WSB2: variants seen among roughly 807,000 people sequenced by gnomAD.
WSB2 encodes the protein WD repeat and SOCS box-containing protein 2.
A neutral mutation model predicts 48.8 loss-of-function variants in WSB2; 12 were observed. The ratio of observed to expected loss-of-function variants is 0.25; its 90% CI spans 0.16 to 0.40. The LOEUF is 0.40. Among genes scored for constraint, WSB2 ranks in the 10% least tolerant of loss-of-function variants. The pLI, the probability that WSB2 is intolerant of heterozygous loss-of-function variation, is 1.00. For missense variants in WSB2, 317 were observed against 506.2 expected (o/e 0.63, Z 3.59); for synonymous variants, 191 against 203.1 (o/e 0.94, Z 0.51).
At chr12:118,057,110 C>T (rs2031970861) in intron 1 of WSB2, among the ~76,000 whole-genome samples, 2 of 152,078 alleles carry the variant, frequency 1.3e-5, no homozygotes, top group South Asian at 4.2e-4. Flanking sequence ...GGAGTCTGGG[C>T]CCAAACTAAA....
At chr12:118,035,350 A>G (rs1231859126) in intron 6 of WSB2, 26 bp from the exon 7 acceptor site, 1 of 1,604,926 alleles carries the variant, frequency 6.2e-7, no homozygotes, top group Non-Finnish European at 8.5e-7. Context: ...ACAGGATGGC[A>G]GGCCTGGAGT....
At chr12:118,035,133 AG>A in intron 7 of WSB2, 40 bp from the exon 8 acceptor site, 1 of 1,613,086 alleles carries the variant, frequency 6.2e-7, no homozygotes, top group African/African-American at 1.3e-5. Context: ...TAGCTGACCC[AG>A]GGCCAGACCA....
At chr12:118,037,262 C>A (rs184670959) in intron 5 of WSB2, among the ~76,000 whole-genome samples, 2 of 152,364 alleles carry the variant, frequency 1.3e-5, no homozygotes, top group Non-Finnish European at 2.9e-5. Context: ...TTACACCCCC[C>A]ACCTTGTGTA....
In WSB2 at chr12:118,043,281, A is replaced by G. The variant is rs1386465575; in HGVS notation, c.279T>C (p.Ile93=). The G allele has an allele frequency of 6.2e-7, 1 of 1,614,172 alleles. No homozygotes were observed. Among genetic ancestry groups the G allele is most frequent in the African/African-American group, 1.3e-5 (1 of 75,068 alleles). The change falls in exon 3 of 9, where the codon ATT becomes ATC. Residue 93 remains isoleucine, a synonymous_variant. Coordinates refer to ENST00000315436, the MANE Select transcript of WSB2 (RefSeq NM_018639.5). ...PKEKTLDCGQ[I]VWGLAFSPWP... ...ACGGGCTGAAGGCCAGCCCCCAGACAATCTGACCACAGTCCAGCGTCTTCT... is the reference window on the plus strand; with the variant it reads ...ACGGGCTGAAGGCCAGCCCCCAGACGATCTGACCACAGTCCAGCGTCTTCT...
At chr12:118,042,302 G>A (rs555779643) in intron 4 of WSB2, among the ~76,000 whole-genome samples, 34 of 152,178 alleles carry the variant, frequency 2.2e-4, no homozygotes, top group Non-Finnish European at 4.7e-4. Flanking sequence ...CACAGGACAT[G>A]GGGACTTTTT....
chr12:118,052,173 G>A, intron 2 of WSB2, 137 bp downstream of exon 2: 1 of 1,244,090 alleles, frequency 8.0e-7, no homozygotes, highest in South Asian at 1.6e-5. Context: ...CAGAACTTGG[G>A]GCTCTGGAAA....
rs1413516183 is a variant in WSB2, at chr12:118,043,653, C to T, written c.183-276G>A. Among the ~76,000 whole-genome samples, 6 of 152,090 alleles carry T rather than the reference C, an allele frequency of 3.9e-5. No individual in the cohort carries two copies. In the East Asian group the frequency reaches 1.2e-3, roughly 29 times the overall value. Reference sequence around the variant, plus strand: ...TGTAGGACGGAGTTTTGTCATGTTGCCCAGGCTGGTCTCAAACTCCTGAGC... The same window carrying T: ...TGTAGGACGGAGTTTTGTCATGTTGTCCAGGCTGGTCTCAAACTCCTGAGC... On this transcript the variant is annotated intron_variant, in intron 2 of 8. Transcript: ENST00000315436.
At chr12:118,061,945 G>A (rs1291906848), upstream of WSB2, among the ~76,000 whole-genome samples, 1 of 150,234 alleles carries the variant, frequency 6.7e-6, no homozygotes, top group African/African-American at 2.5e-5. Context: ...GTAAAACAAG[G>A]GGGGCTACTC....
chr12:118,047,140 T>A (rs2031761269), intron 2 of WSB2, among the ~76,000 whole-genome samples: 1 of 152,224 alleles, frequency 6.6e-6, no homozygotes, highest in South Asian at 2.1e-4. Context: ...AAGGCATATT[T>A]ATTATTTCAT....
At position 118,033,313 on chromosome 12, in the gene WSB2, C is replaced by A. The variant is rs2031415419; in HGVS notation, c.*883G>T. On this transcript the variant is annotated 3_prime_UTR_variant, in exon 9 of 9. Transcript: ENST00000315436. The stretch of plus-strand genomic sequence containing the variant: ...AGCTAAAGTCATGACTACACCAATT[C>A]TTTACACAATTAAGACATCTTTGCA... The A allele has an allele frequency of 6.6e-6, 1 of 152,562 alleles. No homozygotes were observed. 9.5% of individuals were successfully genotyped at this position (152,562 alleles called of 1,614,324 possible).
Position 118,043,794 on chromosome 12 carries a change from G to A in WSB2, c.183-417C>T, listed in dbSNP as rs186025696. On this transcript the variant is annotated intron_variant, in intron 2 of 8. Transcript: ENST00000315436. ...AACAAGCTGGCCTTCGGTGAAATCT[G>A]CTGTGACTTTTCTTTTTGTTTCTTT... Among the ~76,000 whole-genome samples, 22 of 152,130 alleles carry A rather than the reference G, an allele frequency of 1.4e-4. No homozygotes were observed. The East Asian group carries it at 3.5e-3, about 24-fold the overall frequency.
In WSB2 at chr12:118,060,860, G is replaced by A. The variant is rs2032048646; in HGVS notation, c.13+176C>T. The stretch of plus-strand genomic sequence containing the variant: ...CTGACAACGAAAGTGAAACAAAGCT[G>A]GTCGCCGGGCGCGCACCCCCGCCGG... On this transcript the variant is annotated intron_variant, in intron 1 of 8. Transcript: ENST00000315436. This position sits in a 1 kb window ranked among gnomAD's most constrained non-coding sequence, Gnocchi z 4.1. Among the ~76,000 whole-genome samples, 2 of 151,368 alleles carry A rather than the reference G, an allele frequency of 1.3e-5. No homozygotes were observed. The highest frequency in any genetic ancestry group is 4.2e-4 in the South Asian group (2 of 4,818).
chr12:118,056,924 C>T (rs190155267), intron 1 of WSB2, among the ~76,000 whole-genome samples: 37 of 152,110 alleles, frequency 2.4e-4, no homozygotes, highest in Admixed American at 9.2e-4. Context: ...ATAAATAAAG[C>T]CCCTTAAACT....
In WSB2 at chr12:118,038,405, GCAAA is replaced by G. The variant is rs2031559895; in HGVS notation, c.560-21_560-18del. On this transcript the variant is annotated intron_variant, in intron 4 of 8. Coordinates refer to ENST00000315436, the MANE Select transcript of WSB2 (RefSeq NM_018639.5). ...TCTGTTTACCTGGCAGGAAAAAGAA[GCAAA>G]CAATGAGCCAGTCCTCAACAAAGCA... The G allele has an allele frequency of 6.2e-7, 1 of 1,611,664 alleles. No individual in the cohort carries two copies. Among genetic ancestry groups the G allele is most frequent in the Non-Finnish European group, 8.5e-7 (1 of 1,178,318 alleles).
intron 7 of WSB2, 60 bp from the exon 8 acceptor site, chr12:118,035,153 T>C: frequency 6.2e-7 from 1 of 1,612,328 alleles, no homozygotes; most frequent in Non-Finnish European, 8.5e-7. Flanking sequence ...CAAGAGGGCC[T>C]TGCTGCCATT....
intron 4 of WSB2, 69 bp from the exon 5 acceptor site, chr12:118,038,457 C>T: frequency 1.3e-6 from 2 of 1,492,896 alleles, no homozygotes; most frequent in South Asian, 1.2e-5. Context: ...AACGGGAGAA[C>T]TGGGGTGGTA....
intron 2 of WSB2, among the ~76,000 whole-genome samples, chr12:118,050,850 G>A (rs1324973619): frequency 6.6e-6 from 1 of 151,922 alleles, no homozygotes; most frequent in African/African-American, 2.4e-5. Flanking sequence ...TCAGGAGTTT[G>A]AGACCAGCCT....
chr12:118,045,439 T>A (rs2031726831), intron 2 of WSB2, among the ~76,000 whole-genome samples: 1 of 151,996 alleles, frequency 6.6e-6, no homozygotes, highest in Non-Finnish European at 1.5e-5. Context: ...GGCTCACACC[T>A]GTAATTCCAG....
chr12:118,035,948 A>G (rs1177375273), intron 6 of WSB2: 3 of 168,048 alleles, frequency 1.8e-5, no homozygotes, highest in Admixed American at 1.1e-4. Context: ...GCTCATGCCT[A>G]TAATAGCAGT....
Sources: allele counts gnomAD v4.1 joint callset (sites outside exome capture counted in the v4.1 genomes callset), GRCh38; gene constraint gnomAD v4.1.1; non-coding constraint Gnocchi (gnomAD v3.1); transcripts MANE v1.5; gene names NCBI Gene and HGNC (gene_info 2026-07-23, HGNC 2026-07-21).